DLGAP1: variants seen among roughly 807,000 people sequenced by gnomAD.
The protein encoded by DLGAP1 is DLG associated protein 1.
A neutral mutation model predicts 90.8 loss-of-function variants in DLGAP1; 11 were observed. The observed-to-expected ratio is 0.12, with a 90% CI of 0.08 to 0.20. The LOEUF is 0.20. DLGAP1 is among the 10% of genes least tolerant of loss of function. DLGAP1 has a pLI of 1.00. For missense variants in DLGAP1, 1,050 were observed against 1,333.8 expected (o/e 0.79, Z 3.31); for synonymous variants, 558 against 540.7 (o/e 1.03, Z -0.44).
intron 2 of DLGAP1, among the ~76,000 whole-genome samples, chr18:4,093,535 G>C (rs1464354845): frequency 6.6e-6 from 1 of 151,912 alleles, no homozygotes; most frequent in African/African-American, 2.4e-5. Context: ...TTTCATAAGT[G>C]CATATGAAAA....
At chr18:3,976,996 A>G (rs1253453332) in intron 3 of DLGAP1, among the ~76,000 whole-genome samples, 1 of 152,228 alleles carries the variant, frequency 6.6e-6, no homozygotes, top group Non-Finnish European at 1.5e-5. Flanking sequence ...GTAGCTATAC[A>G]ATCTCTTTAA....
At chr18:3,861,715 A>G (rs548605723) in intron 4 of DLGAP1, among the ~76,000 whole-genome samples, 30 of 152,324 alleles carry the variant, frequency 2.0e-4, no homozygotes, top group Middle Eastern at 3.4e-3. Flanking sequence ...CAAATGTGCA[A>G]TCTCAGCAGT....
intron 1 of DLGAP1, among the ~76,000 whole-genome samples, chr18:4,330,965 T>A (rs2080936365): frequency 6.7e-6 from 1 of 150,246 alleles, no homozygotes; most frequent in Admixed American, 6.6e-5. Context: ...TGTGGACTTG[T>A]CTCTTTTTCT....
In DLGAP1 at chr18:3,727,017, A is replaced by T. The variant is rs985987698; in HGVS notation, c.1591+2118T>A. 1.3e-5 allele frequency among the ~76,000 whole-genome samples: 2 copies of T among 152,140 alleles called. No homozygotes were observed. The highest frequency in any genetic ancestry group is 6.5e-5 in the Admixed American group (1 of 15,278). On this transcript the variant is annotated intron_variant, in intron 7 of 12. Coordinates refer to ENST00000315677, the MANE Select transcript of DLGAP1 (RefSeq NM_004746.4). This position sits in a 1 kb window ranked among gnomAD's most constrained non-coding sequence, Gnocchi z 4.7. ...GATTAAAAATGGAACAACATGAGAC[A>T]CCCTCCCAGGGCTCATTCATCTCCT... is the stretch of plus-strand genomic sequence containing the variant.
At chr18:3,926,492 TATAA>T (rs59118604) in intron 3 of DLGAP1, among the ~76,000 whole-genome samples, 78,936 of 150,750 alleles carry the variant, frequency 0.52, 20,630 homozygotes, top group South Asian at 0.56. Flanking sequence ...TTTATATGTA[TATAA>T]ATATATATGC....
At chr18:3,625,563 A>G (rs1297720991) in intron 7 of DLGAP1, among the ~76,000 whole-genome samples, 1 of 152,228 alleles carries the variant, frequency 6.6e-6, no homozygotes, top group Non-Finnish European at 1.5e-5. Flanking sequence ...AGTTAAACCC[A>G]AAGCATGCCT....
intron 5 of DLGAP1, among the ~76,000 whole-genome samples, chr18:3,792,976 C>T (rs983296987): frequency 6.6e-6 from 1 of 152,148 alleles, no homozygotes; most frequent in Non-Finnish European, 1.5e-5. Flanking sequence ...TTGCCCAACC[C>T]CATTGAGCCG....
At chr18:4,329,202 G>A (rs624253) in intron 1 of DLGAP1, among the ~76,000 whole-genome samples, 55,358 of 151,646 alleles carry the variant, frequency 0.37, 10,567 homozygotes, top group African/African-American at 0.49. Flanking sequence ...AAGGATGTGA[G>A]GTCGAGGTTT....
intron 3 of DLGAP1, among the ~76,000 whole-genome samples, chr18:3,974,737 A>T (rs2073533648): frequency 6.6e-6 from 1 of 152,182 alleles, no homozygotes; most frequent in South Asian, 2.1e-4. Context: ...GGTGATTGAA[A>T]CAGGGAAGAG....
intron 1 of DLGAP1, among the ~76,000 whole-genome samples, chr18:4,159,957 C>T (rs10502321): frequency 0.1 from 15,725 of 152,186 alleles, 1,017 homozygotes; most frequent in East Asian, 0.27. Flanking sequence ...TAAGGTACTG[C>T]CTCCCACACC....
intron 3 of DLGAP1, among the ~76,000 whole-genome samples, chr18:3,907,862 G>C (rs1462303108): frequency 2.6e-5 from 4 of 152,186 alleles, no homozygotes; most frequent in Non-Finnish European, 5.9e-5. Context: ...GATGCTCAGT[G>C]AGCCTCCCAG....
intron 10 of DLGAP1, among the ~76,000 whole-genome samples, chr18:3,519,336 TTGA>T (rs1252021122): frequency 1.3e-5 from 2 of 152,216 alleles, no homozygotes; most frequent in East Asian, 3.8e-4. Context: ...GCCATGTGAC[TTGA>T]TGACACCATA....
intron 2 of DLGAP1, among the ~76,000 whole-genome samples, chr18:4,123,924 T>G (rs1175935172): frequency 6.6e-6 from 1 of 152,190 alleles, no homozygotes; most frequent in Non-Finnish European, 1.5e-5. Flanking sequence ...AAAAGATCAC[T>G]CTGAGATTCT....
At chr18:3,576,295 T>G (rs2055128132) in intron 8 of DLGAP1, among the ~76,000 whole-genome samples, 2 of 151,770 alleles carry the variant, frequency 1.3e-5, no homozygotes, top group African/African-American at 4.8e-5. Context: ...AGTCTTGCTC[T>G]GTCGCCCAGG....
chr18:4,064,214 C>T (rs1192414203), intron 2 of DLGAP1, among the ~76,000 whole-genome samples: 1 of 151,840 alleles, frequency 6.6e-6, no homozygotes, highest in Non-Finnish European at 1.5e-5. Context: ...TCTCATATAT[C>T]TTTTACACCC....
rs1568240463 is a variant in DLGAP1, at chr18:3,583,163, TACC to T, written c.1592-918_1592-916del. ...TGACCGACCTACCTACCTACCTACCTACCTACCTACCTACCTACCTACCTTCCT... is the reference window on the plus strand; with the variant it reads ...TGACCGACCTACCTACCTACCTACCTTACCTACCTACCTACCTACCTTCCT... On this transcript the variant is annotated intron_variant, in intron 7 of 12. Coordinates refer to ENST00000315677, the MANE Select transcript of DLGAP1 (RefSeq NM_004746.4). Among the ~76,000 whole-genome samples, 869 of 137,006 alleles carry T rather than the reference TACC, an allele frequency of 6.3e-3. 7 individuals carry two copies. The highest frequency in any genetic ancestry group is 0.018 in the African/African-American group (662 of 37,602). 89.9% of individuals were successfully genotyped at this position (137,006 alleles called of 152,430 possible).
At chr18:3,766,438 G>C (rs1208343787) in intron 5 of DLGAP1, among the ~76,000 whole-genome samples, 1 of 152,050 alleles carries the variant, frequency 6.6e-6, no homozygotes, top group Non-Finnish European at 1.5e-5. Flanking sequence ...AATCAGCAAG[G>C]ATAGACAAGA....
intron 1 of DLGAP1, among the ~76,000 whole-genome samples, chr18:4,323,982 C>T (rs568017104): frequency 6.6e-5 from 10 of 151,916 alleles, no homozygotes; most frequent in Non-Finnish European, 1.2e-4. Flanking sequence ...CAAGAGCAAA[C>T]CAACCCCAAA....
At chr18:4,394,295 T>C (rs900342989) in intron 1 of DLGAP1, among the ~76,000 whole-genome samples, 8 of 152,168 alleles carry the variant, frequency 5.3e-5, no homozygotes, top group African/African-American at 1.9e-4. Context: ...CTAATCAGTA[T>C]CAATTATCAA....
Sources: gnomAD v4.1 joint callset for allele counts (sites outside exome capture counted in the v4.1 genomes callset) on GRCh38, gnomAD v4.1.1 for gene constraint, Gnocchi (gnomAD v3.1) non-coding constraint, MANE v1.5 for transcripts, NCBI Gene and HGNC (gene_info 2026-07-23, HGNC 2026-07-21) for gene names.